Variants in TANC1 observed in about 807,000 individuals in gnomAD.
TANC1 encodes tetratricopeptide repeat, ankyrin repeat and coiled-coil containing 1, also known as protein TANC1.
TANC1 carries 77 observed loss-of-function variants against 149.7 expected under a neutral mutation model. The observed-to-expected ratio is 0.51, with a 90% CI of 0.43 to 0.62. The LOEUF is 0.62. Ranked by LOEUF, TANC1 falls within the 20% of genes least tolerant of loss-of-function variation. The pLI, the probability that TANC1 is intolerant of heterozygous loss-of-function variation, is 0.00. For synonymous variants in TANC1, 854 were observed against 925.0 expected (o/e 0.92, Z 1.39); for missense variants, 1,985 against 2,321.8 (o/e 0.85, Z 2.98).
intron 2 of TANC1, among the ~76,000 whole-genome samples, chr2:159,029,582 TAG>T (rs2149472138): frequency 6.6e-6 from 1 of 152,318 alleles, no homozygotes; most frequent in Admixed American, 6.5e-5. Context: ...AATTATTTTT[TAG>T]AGACAGTCTT....
chr2:158,978,486 T>C (rs2033941076), intron 1 of TANC1, among the ~76,000 whole-genome samples: 1 of 152,180 alleles, frequency 6.6e-6, no homozygotes, highest in Non-Finnish European at 1.5e-5. Flanking sequence ...AGGATGATAG[T>C]GCAAAAACAT....
chr2:159,059,068 T>G (rs2042047415), intron 2 of TANC1, among the ~76,000 whole-genome samples: 1 of 149,834 alleles, frequency 6.7e-6, no homozygotes, highest in African/African-American at 2.5e-5. Flanking sequence ...TGTTTTTGCT[T>G]AGGACAAAAC....
chr2:159,103,488 G>A (rs56957698), intron 4 of TANC1, among the ~76,000 whole-genome samples: 38,180 of 95,526 alleles, frequency 0.4, 16,002 homozygotes, highest in Non-Finnish European at 0.63. Context: ...ACGTCATTCT[G>A]TAGCTGCCTT....
chr2:159,114,460 T>C (rs1210568272), intron 4 of TANC1, among the ~76,000 whole-genome samples: 1 of 152,172 alleles, frequency 6.6e-6, no homozygotes, highest in Non-Finnish European at 1.5e-5. Flanking sequence ...AAGCAGGTGC[T>C]TTTAAGGTGG....
rs776875386 is a variant in TANC1, at chr2:159,170,524, C to A, written c.1070C>A (p.Ala357Glu). 6.4e-6 allele frequency: 10 copies of A among 1,557,976 alleles called. No individual in the cohort carries two copies. In the African/African-American group the frequency reaches 1.4e-4, roughly 22 times the overall value. Reference sequence around the variant, plus strand: ...AAAATTTTTTTTTCTTCTTTTGAAGCACGATTTGCTCCCTACAAGCCACAA... The same window carrying A: ...AAAATTTTTTTTTCTTCTTTTGAAGAACGATTTGCTCCCTACAAGCCACAA... ...TAGGRAQEVK[A>E]RFAPYKPQDI... Residue 357 changes from alanine to glutamate, a missense_variant and splice_region_variant, in exon 10 of 27, where the codon GCA (alanine) becomes GAA (glutamate). Ala to Glu is a moderately radical substitution (Grantham distance 107). Around this residue, in one of 3 missense-constraint regions of TANC1, gnomAD observed 557 missense variants for 612.9 expected, o/e 0.91. Coordinates refer to ENST00000263635, the MANE Select transcript of TANC1 (RefSeq NM_033394.3).
At chr2:159,043,687 G>A (rs1311483942) in intron 2 of TANC1, among the ~76,000 whole-genome samples, 1 of 152,118 alleles carries the variant, frequency 6.6e-6, no homozygotes, top group South Asian at 2.1e-4. Context: ...TATGTTGATT[G>A]AATGGCTTAG....
intron 2 of TANC1, among the ~76,000 whole-genome samples, chr2:159,012,000 T>C (rs2037821232): frequency 6.6e-6 from 1 of 151,966 alleles, no homozygotes; most frequent in South Asian, 2.1e-4. Flanking sequence ...GTTAGGAAAG[T>C]CACTAGAGCT....
chr2:159,041,538 G>A (rs771693688), intron 2 of TANC1, among the ~76,000 whole-genome samples: 1 of 152,198 alleles, frequency 6.6e-6, no homozygotes, highest in Admixed American at 6.5e-5. Flanking sequence ...GCTCGATCTC[G>A]GACTGCTGTG....
chr2:159,063,309 G>T (rs1343267332), intron 2 of TANC1, among the ~76,000 whole-genome samples: 13 of 152,208 alleles, frequency 8.5e-5, no homozygotes. Context: ...CTTCTCTGGA[G>T]TGTACTGTCA....
At chr2:159,131,710 T>C (rs1249181440) in intron 4 of TANC1, among the ~76,000 whole-genome samples, 3 of 152,230 alleles carry the variant, frequency 2.0e-5, no homozygotes, top group African/African-American at 7.2e-5. Flanking sequence ...CAAACACGTA[T>C]CATCTGCTCT....
intron 2 of TANC1, among the ~76,000 whole-genome samples, chr2:159,023,907 G>T (rs2039038365): frequency 6.6e-6 from 1 of 151,388 alleles, no homozygotes. Context: ...GGTGGAAGTT[G>T]CAATGAGCCA....
chr2:159,217,608 C>T lies in TANC1; in HGVS notation c.3356C>T (p.Ala1119Val), dbSNP rs867114619. 3 of 1,614,136 alleles carry T rather than the reference C, an allele frequency of 1.9e-6. No individual in the cohort carries two copies. In the Admixed American group the frequency reaches 5.0e-5, roughly 27 times the overall value. Residue 1119 changes from alanine to valine, a missense_variant, in exon 20 of 27, where the codon GCA (alanine) becomes GTA (valine). Ala to Val is a moderately conservative substitution (Grantham distance 64, BLOSUM62 0). Around this residue, in one of 3 missense-constraint regions of TANC1, gnomAD observed 920 missense variants for 994.7 expected, o/e 0.92. Transcript: ENST00000263635. The part of the protein sequence containing the change: ...NRRGVPPLFC[A>V]ARQGHWQIVR... ...AGAGGGGTTCCACCTTTGTTTTGTG[C>T]AGCACGCCAGGGGCATTGGCAGGTA...
At chr2:159,034,063 C>G (rs981524606) in intron 2 of TANC1, among the ~76,000 whole-genome samples, 2 of 152,216 alleles carry the variant, frequency 1.3e-5, no homozygotes, top group Non-Finnish European at 2.9e-5. Flanking sequence ...CATATCACTT[C>G]TCATATAGTT....
chr2:159,205,004 T>G (rs762836997), intron 19 of TANC1, among the ~76,000 whole-genome samples: 22 of 152,376 alleles, frequency 1.4e-4, no homozygotes, highest in South Asian at 1.0e-3. Flanking sequence ...ACCTGCTCCC[T>G]CTGGATCTTG....
intron 3 of TANC1, among the ~76,000 whole-genome samples, chr2:159,095,693 G>A (rs1279871698): frequency 2.2e-5 from 3 of 137,928 alleles, no homozygotes; most frequent in African/African-American, 5.6e-5. Flanking sequence ...TCGAGATCGT[G>A]CCACTGCACT....
intron 19 of TANC1, among the ~76,000 whole-genome samples, chr2:159,212,248 G>A (rs374943391): frequency 2.8e-4 from 43 of 152,296 alleles, no homozygotes; most frequent in East Asian, 1.5e-3. Flanking sequence ...CTGCCTCTGC[G>A]TGGAGCCCAT....
At position 159,219,264 on chromosome 2, in the gene TANC1, C is replaced by A; in HGVS notation, c.3405C>A (p.Gly1135=). The A allele has an allele frequency of 6.2e-7, 1 of 1,614,162 alleles. No homozygotes were observed. Among genetic ancestry groups the A allele is most frequent in the East Asian group, 2.2e-5 (1 of 44,884 alleles). ...WQIVRLLLER[G]CDVNLSDKQG... is the part of the protein sequence containing the mutation. ...TTGTTAGACTGCTGTTGGAACGCGG[C>A]TGTGATGTGAACCTAAGTGACAAGC... The change falls in exon 21 of 27, where the codon GGC becomes GGA. Residue 1135 remains glycine, a synonymous_variant. Coordinates refer to ENST00000263635, the MANE Select transcript of TANC1 (RefSeq NM_033394.3).
At chr2:158,974,577 C>T (rs2033393368) in intron 1 of TANC1, among the ~76,000 whole-genome samples, 1 of 152,270 alleles carries the variant, frequency 6.6e-6, no homozygotes, top group South Asian at 2.1e-4. Context: ...GGATTACAGG[C>T]ATGTGCCACC....
intron 2 of TANC1, among the ~76,000 whole-genome samples, chr2:159,017,147 T>C (rs1225806737): frequency 6.6e-6 from 1 of 152,182 alleles, no homozygotes; most frequent in East Asian, 1.9e-4. Context: ...AACACTTCTT[T>C]GGCGCCCTAA....
Sources: allele counts gnomAD v4.1 joint callset (sites outside exome capture counted in the v4.1 genomes callset), GRCh38; gene constraint gnomAD v4.1.1; regional missense constraint gnomAD v4.1.1; transcripts MANE v1.5; gene names NCBI Gene and HGNC (gene_info 2026-07-23, HGNC 2026-07-21).